Variants in ZNF250 observed in about 807,000 individuals in gnomAD.
ZNF250 encodes zinc finger protein 250, also known as zinc finger protein (clone 647).
Under a neutral mutation model 37.1 loss-of-function variants are expected in ZNF250, and 13 were observed. The ratio of observed to expected loss-of-function variants is 0.35; its 90% CI spans 0.23 to 0.56. ZNF250 has a LOEUF of 0.56. ZNF250 is among the 20% of genes least tolerant of loss of function. ZNF250 has a pLI of 0.87. For synonymous variants in ZNF250, 251 were observed against 265.6 expected, an observed-to-expected ratio of 0.94 and a Z score of 0.54; for missense variants, 474 against 697.9, an observed-to-expected ratio of 0.68 and a Z score of 3.61.
intron 1 of ZNF250, among the ~76,000 whole-genome samples, chr8:144,899,734 T>C (rs1316982011): frequency 2.6e-5 from 4 of 152,030 alleles, no homozygotes; most frequent in African/African-American, 9.7e-5. Flanking sequence ...GTTTTTCAAA[T>C]CAATGGGAAG....
Position 144,889,609 on chromosome 8 carries a change from C to A in ZNF250, c.255G>T (p.Lys85Asn). Residue 85 changes from lysine to asparagine, a missense_variant, in exon 4 of 6, where the codon AAG becomes AAT. Lys to Asn is a moderately conservative substitution (Grantham distance 94). Transcript: ENST00000417550. ...AGTAGTCACTCCACAGGCCCTGGCT[C>A]TTCTTAGCCCCCTTCCTGTCCAGGA... ...PWVLDRKGAKKSQGLWSDYSD... is the reference protein window; with the variant it reads ...PWVLDRKGAKNSQGLWSDYSD... 1 of 1,614,004 alleles carries A rather than the reference C, an allele frequency of 6.2e-7. No individual in the cohort carries two copies. Among genetic ancestry groups the A allele is most frequent in the Non-Finnish European group, 8.5e-7 (1 of 1,179,882 alleles).
chr8:144,892,251 T>A (rs1433919179), intron 1 of ZNF250, among the ~76,000 whole-genome samples: 1 of 152,224 alleles, frequency 6.6e-6, no homozygotes, highest in Non-Finnish European at 1.5e-5. Flanking sequence ...AACAGAAGTC[T>A]TTTAAAGGAA....
chr8:144,889,573 T>G lies in ZNF250; in HGVS notation c.283+8A>C. 2.5e-6 allele frequency: 4 copies of G among 1,610,852 alleles called. No individual in the cohort carries two copies. The highest frequency in any genetic ancestry group is 2.2e-5 in the East Asian group (1 of 44,858). On this transcript the variant is annotated splice_region_variant and intron_variant, in intron 4 of 5. Transcript: ENST00000417550. ...TCAGTGAGGGAGGGGCCAGCTCTCCTCACTCACCTGAGTAGTCACTCCACA... is the reference window on the plus strand; with the variant it reads ...TCAGTGAGGGAGGGGCCAGCTCTCCGCACTCACCTGAGTAGTCACTCCACA...
chr8:144,887,199 C>T (rs1831947601), intron 4 of ZNF250, among the ~76,000 whole-genome samples: 3 of 132,538 alleles, frequency 2.3e-5, no homozygotes, highest in South Asian at 4.7e-4. Flanking sequence ...TGCAGTGAGC[C>T]GAGATCACAC....
At position 144,882,241 on chromosome 8, in the gene ZNF250, G is replaced by A; in HGVS notation, c.942C>T (p.Ala314=). Residue 314 remains alanine (A), a synonymous_variant, in exon 6 of 6, where the codon GCC becomes GCT. Transcript: ENST00000417550. The surrounding 1 kb of genome is among the most constrained non-coding windows in gnomAD (Gnocchi z 5.5). ...RPYVCPLCGK[A]FNHSTVLRSH... ...TCCGCAGAACAGTGCTATGGTTGAA[G>A]GCTTTCCCACACAACGGACACACAT... The A allele has an allele frequency of 6.2e-7, 1 of 1,614,128 alleles. No homozygotes were observed. The highest frequency in any genetic ancestry group is 8.5e-7 in the Non-Finnish European group (1 of 1,179,998).
chr8:144,901,105 G>A lies in ZNF250; in HGVS notation c.-55+294C>T, dbSNP rs903556862. 6.6e-6 allele frequency among the ~76,000 whole-genome samples: 1 copy of A among 151,462 alleles called. No homozygotes were observed. Among genetic ancestry groups the A allele is most frequent in the Non-Finnish European group, 1.5e-5 (1 of 67,838 alleles). On this transcript the variant is annotated intron_variant, in intron 1 of 5. Transcript: ENST00000417550. This position sits in a 1 kb window ranked among gnomAD's most constrained non-coding sequence, Gnocchi z 5.4. ...CGCCGGTCTGACGGGGCCCAAGGGGGTAGGGGCGGGGAAGGGACCGAGGCC... is the reference window on the plus strand; with the variant it reads ...CGCCGGTCTGACGGGGCCCAAGGGGATAGGGGCGGGGAAGGGACCGAGGCC...
At position 144,882,311 on chromosome 8, in the gene ZNF250, G is replaced by C. The variant is rs1301118251; in HGVS notation, c.872C>G (p.Ser291Ter). Residue 291 changes from serine (S) to a stop codon, truncating the protein, a stop_gained, in exon 6 of 6, where the codon TCA becomes TGA. Transcript: ENST00000417550. LOFTEE classifies it high-confidence loss of function. This position sits in a 1 kb window ranked among gnomAD's most constrained non-coding sequence, Gnocchi z 5.5. ...LECRKAFTQL[S>*]HLIQHQRIHT... is the part of the protein sequence containing the mutation. Reference sequence around the variant, plus strand: ...GATCCGCTGGTGCTGAATGAGATGTGAGAGTTGAGTGAAGGCTTTCCGACA... The same window carrying C: ...GATCCGCTGGTGCTGAATGAGATGTCAGAGTTGAGTGAAGGCTTTCCGACA... The C allele has an allele frequency of 6.2e-7, 1 of 1,613,360 alleles. No individual in the cohort carries two copies. The highest frequency in any genetic ancestry group is 1.7e-5 in the Admixed American group (1 of 59,928).
At chr8:144,892,862 A>ATTTTTTTT (rs34744587) in intron 1 of ZNF250, among the ~76,000 whole-genome samples, 1 of 135,132 alleles carries the variant, frequency 7.4e-6, no homozygotes, top group Non-Finnish European at 1.6e-5. Flanking sequence ...CCAGCCACCA[A>ATTTTTTTT]TTTTTTTTTT....
intron 1 of ZNF250, among the ~76,000 whole-genome samples, chr8:144,894,316 C>T (rs1235133689): frequency 1.3e-5 from 2 of 152,112 alleles, no homozygotes; most frequent in Non-Finnish European, 2.9e-5. Context: ...CTGCCCAGCC[C>T]CTCCATCTAC....
Position 144,896,374 on chromosome 8 carries a change from T to TA in ZNF250, c.-55+5024dup, listed in dbSNP as rs560936261. 9.6e-4 allele frequency among the ~76,000 whole-genome samples: 123 copies of TA among 127,762 alleles called. No homozygotes were observed. In the South Asian group the frequency reaches 0.023, roughly 24 times the overall value. The allele number at this position is 127,762 out of a possible 152,430, so 83.8% of individuals were successfully genotyped here. Reference sequence around the variant, plus strand: ...AATAAATAAATAAATAAATAAAAATTAAAAAAAAATATGAACAAAATACAT... The same window carrying TA: ...AATAAATAAATAAATAAATAAAAATTAAAAAAAAAATATGAACAAAATACAT... On this transcript the variant is annotated intron_variant, in intron 1 of 5. Transcript: ENST00000417550.
In ZNF250 at chr8:144,890,247, G is replaced by T; in HGVS notation, c.42+61C>A. 1 of 1,525,676 alleles carries T rather than the reference G, an allele frequency of 6.6e-7. No individual in the cohort carries two copies. Among genetic ancestry groups the T allele is most frequent in the Non-Finnish European group, 8.9e-7 (1 of 1,118,706 alleles). 94.5% of individuals were successfully genotyped at this position (1,525,676 alleles called of 1,614,324 possible). A position where few individuals can be genotyped will look rare whatever the true frequency, so the allele number is the denominator to read the frequency against. ...TGGCTGCTCTTAGGAGCTCTACGGG[G>T]CACGGAAGGAACCACAGGGCTCGGG... is the stretch of plus-strand genomic sequence containing the variant. On this transcript the variant is annotated intron_variant, in intron 2 of 5. Transcript: ENST00000417550. This position sits in a 1 kb window ranked among gnomAD's most constrained non-coding sequence, Gnocchi z 5.1.
At position 144,897,843 on chromosome 8, in the gene ZNF250, G is replaced by A. The variant is rs955572686; in HGVS notation, c.-55+3556C>T. 5.9e-5 allele frequency among the ~76,000 whole-genome samples: 9 copies of A among 152,238 alleles called. No homozygotes were observed. Among genetic ancestry groups the A allele is most frequent in the African/African-American group, 1.7e-4 (7 of 41,468 alleles). On this transcript the variant is annotated intron_variant, in intron 1 of 5. Coordinates refer to ENST00000417550, the MANE Select transcript of ZNF250 (RefSeq NM_001109689.4). The surrounding 1 kb of genome is among the most constrained non-coding windows in gnomAD (Gnocchi z 5.2). ...GTTGGGCTAGTTAACTGTAGCAGGA[G>A]CATGTCCTTAAGGCACAGATCGCTC...
rs2955209 is a variant in ZNF250 at position 144,889,284 on chromosome 8, T to G, written c.283+297A>C. On this transcript the variant is annotated intron_variant, in intron 4 of 5. Coordinates refer to ENST00000417550, the MANE Select transcript of ZNF250 (RefSeq NM_001109689.4). ...ACCTGAATGTCCTATTAGGACCAAA[T>G]CTGGCTAACCAGTCCCTCTGGTCAG... 5.2e-3 allele frequency among the ~76,000 whole-genome samples: 799 copies of G among 152,326 alleles called. 10 individuals carry two copies. The highest frequency in any genetic ancestry group is 0.018 in the African/African-American group (758 of 41,586).
upstream of ZNF250, chr8:144,901,911 G>C (rs1433968175): frequency 6.6e-6 from 1 of 152,346 alleles, no homozygotes; most frequent in East Asian, 1.9e-4. This position sits in a 1 kb window ranked among gnomAD's most constrained non-coding sequence, Gnocchi z 5.4. Context: ...CCGCTGCTGG[G>C]AACGACCTTG....
At position 144,882,577 on chromosome 8, in the gene ZNF250, G is replaced by A; in HGVS notation, c.606C>T (p.Cys202=). The change falls in exon 6 of 6, where the codon TGC becomes TGT. Residue 202 remains cysteine, a synonymous_variant. Coordinates refer to ENST00000417550, the MANE Select transcript of ZNF250 (RefSeq NM_001109689.4). The surrounding 1 kb of genome is among the most constrained non-coding windows in gnomAD (Gnocchi z 5.5). The part of the protein sequence containing the change: ...RPYMCVECGK[C]FGRSSHLLQH... The stretch of plus-strand genomic sequence containing the variant: ...GAAGGAGGTGGGAACTCCGGCCAAA[G>A]CACTTCCCACACTCAACACACATGT... The A allele has an allele frequency of 6.2e-7, 1 of 1,614,122 alleles. No individual in the cohort carries two copies. Among genetic ancestry groups the A allele is most frequent in the East Asian group, 2.2e-5 (1 of 44,868 alleles).
rs1315599159 is a variant in ZNF250, at chr8:144,897,578, C to A, written c.-55+3821G>T. Among the ~76,000 whole-genome samples the A allele has an allele frequency of 6.6e-6, 1 of 151,920 alleles. No individual in the cohort carries two copies. Among genetic ancestry groups the A allele is most frequent in the Admixed American group, 6.6e-5 (1 of 15,240 alleles). The stretch of plus-strand genomic sequence containing the variant: ...CTGAGGTCAGGTGCTGAGACCAGCT[C>A]GGTCGGGGAGACCCTAACCCAGCGG... On this transcript the variant is annotated intron_variant, in intron 1 of 5. Coordinates refer to ENST00000417550, the MANE Select transcript of ZNF250 (RefSeq NM_001109689.4). This position sits in a 1 kb window ranked among gnomAD's most constrained non-coding sequence, Gnocchi z 5.2.
intron 1 of ZNF250, among the ~76,000 whole-genome samples, chr8:144,898,172 CTGTAA>C (rs1832847431): frequency 1.3e-5 from 2 of 152,160 alleles, no homozygotes; most frequent in South Asian, 4.1e-4. Context: ...TGGCACGTGC[CTGTAA>C]TTCCAGCTCC....
chr8:144,890,185 G>A lies in ZNF250; in HGVS notation c.42+123C>T, dbSNP rs1832222393. The A allele has an allele frequency of 1.3e-6, 2 of 1,513,736 alleles. 1 individual carries two copies. Among genetic ancestry groups the A allele is most frequent in the Admixed American group, 3.9e-5 (2 of 51,204 alleles). The allele number at this position is 1,513,736 out of a possible 1,614,324, so 93.8% of individuals were successfully genotyped here. A position where few individuals can be genotyped will look rare whatever the true frequency, so the allele number is the denominator to read the frequency against. ...CTCTGTGAGCTGAGGTGGGTGATGG[G>A]AAGGGGCCGCGGAGTTCAGGGCATG... On this transcript the variant is annotated intron_variant, in intron 2 of 5. Transcript: ENST00000417550. The surrounding 1 kb of genome is among the most constrained non-coding windows in gnomAD (Gnocchi z 5.1).
rs1261567799 is a variant in ZNF250, at chr8:144,878,460, C to G, written c.*3055G>C. On this transcript the variant is annotated 3_prime_UTR_variant, in exon 6 of 6. Coordinates refer to ENST00000417550, the MANE Select transcript of ZNF250 (RefSeq NM_001109689.4). ...TTTCCTTTCTGAAGAATCACATCAG[C>G]AGTCTCAGCCTCTCTTAAGTAACAT... 4 of 152,356 alleles carry G rather than the reference C, an allele frequency of 2.6e-5. No individual in the cohort carries two copies. The highest frequency in any genetic ancestry group is 9.6e-5 in the African/African-American group (4 of 41,574). The allele number at this position is 152,356 out of a possible 1,614,324, so 9.4% of individuals were successfully genotyped here. A position where few individuals can be genotyped will look rare whatever the true frequency, so the allele number is the denominator to read the frequency against.
Sources: allele counts gnomAD v4.1 joint callset (sites outside exome capture counted in the v4.1 genomes callset), GRCh38; gene constraint gnomAD v4.1.1; non-coding constraint Gnocchi (gnomAD v3.1); transcripts MANE v1.5; gene names NCBI Gene and HGNC (gene_info 2026-07-23, HGNC 2026-07-21).